The following DNAJC19 variants were observed in gnomAD, a reference collection of about 807,000 sequenced individuals.
The protein encoded by DNAJC19 is mitochondrial import inner membrane translocase subunit TIM14.
DNAJC19 carries 15 observed loss-of-function variants against 19.8 expected under a neutral mutation model. That is an observed-to-expected ratio of 0.76 (90% CI 0.51 to 1.17). The LOEUF (loss-of-function observed/expected upper bound fraction) is 1.17. Among genes scored for constraint, DNAJC19 ranks in the 50% most tolerant of loss-of-function variants. DNAJC19 has a pLI of 0.00. For synonymous variants in DNAJC19, 38 were observed against 42.1 expected, an observed-to-expected ratio of 0.90 and a Z score of 0.38; for missense variants, 105 against 140.9, an observed-to-expected ratio of 0.75 and a Z score of 1.29.
chr3:180,983,900 T>C lies in DNAJC19; in HGVS notation c.*740A>G, dbSNP rs1434342226. The stretch of plus-strand genomic sequence containing the variant: ...GAATAATTTATAAATGGTCATTACC[T>C]TTAAGGGGCTAGCTGAATACAATGT... On this transcript the variant is annotated 3_prime_UTR_variant, in exon 6 of 6. Coordinates refer to ENST00000382564, the MANE Select transcript of DNAJC19 (RefSeq NM_145261.4). The C allele has an allele frequency of 2.2e-6, 1 of 453,996 alleles. No individual in the cohort carries two copies. The highest frequency in any genetic ancestry group is 7.0e-5 in the East Asian group (1 of 14,388). The allele number at this position is 453,996 out of a possible 1,614,324, so 28.1% of individuals were successfully genotyped here.
intron 1 of DNAJC19, 64 bp from the exon 2 acceptor site, chr3:180,988,293 T>C: frequency 3.8e-6 from 6 of 1,591,820 alleles, no homozygotes; most frequent in Non-Finnish European, 4.3e-6. Flanking sequence ...ATTTTGCCCA[T>C]TCTTCCATCC....
intron 5 of DNAJC19, 84 bp downstream of exon 5, chr3:180,985,842 T>A: frequency 8.3e-7 from 1 of 1,201,112 alleles, no homozygotes; most frequent in Non-Finnish European, 1.2e-6. Flanking sequence ...ACCTTTCTAA[T>A]AGCCAGGAAT....
chr3:180,989,761 C>T (rs1056218563), upstream of DNAJC19: 3 of 1,228,382 alleles, frequency 2.4e-6, no homozygotes, highest in South Asian at 1.3e-5. Flanking sequence ...CAAACTAGGC[C>T]GGAAAACTGT....
At position 180,988,247 on chromosome 3, in the gene DNAJC19, A is replaced by G. The variant is rs1715011185; in HGVS notation, c.4-18T>C. The G allele has an allele frequency of 6.2e-7, 1 of 1,613,846 alleles. No individual in the cohort carries two copies. The stretch of plus-strand genomic sequence containing the variant: ...GTACTGGCCTGGTAAGGGGGAGAAG[A>G]GTAAATATTTACTTCTCTAATTCCC... On this transcript the variant is annotated intron_variant, in intron 1 of 5. Coordinates refer to ENST00000382564, the MANE Select transcript of DNAJC19 (RefSeq NM_145261.4).
chr3:180,983,753 A>T lies in DNAJC19; in HGVS notation c.*887T>A. 2.2e-6 allele frequency: 1 copy of T among 448,866 alleles called. No homozygotes were observed. Among genetic ancestry groups the T allele is most frequent in the South Asian group, 1.6e-5 (1 of 63,262 alleles). 27.8% of individuals were successfully genotyped at this position (448,866 alleles called of 1,614,324 possible). A position where few individuals can be genotyped will look rare whatever the true frequency, so the allele number is the denominator to read the frequency against. The stretch of plus-strand genomic sequence containing the variant: ...TAAATTTATTAGTGTATAAATTCTA[A>T]AGAGTCCAAATTAAATATGTTGATA... On this transcript the variant is annotated 3_prime_UTR_variant, in exon 6 of 6. Coordinates refer to ENST00000382564, the MANE Select transcript of DNAJC19 (RefSeq NM_145261.4).
At position 180,983,896 on chromosome 3, in the gene DNAJC19, T is replaced by C; in HGVS notation, c.*744A>G. ...GAAGGAATAATTTATAAATGGTCAT[T>C]ACCTTTAAGGGGCTAGCTGAATACA... On this transcript the variant is annotated 3_prime_UTR_variant, in exon 6 of 6. Coordinates refer to ENST00000382564, the MANE Select transcript of DNAJC19 (RefSeq NM_145261.4). 1 of 454,054 alleles carries C rather than the reference T, an allele frequency of 2.2e-6. No homozygotes were observed. Among genetic ancestry groups the C allele is most frequent in the South Asian group, 1.6e-5 (1 of 64,472 alleles). 28.1% of individuals were successfully genotyped at this position (454,054 alleles called of 1,614,324 possible).
In DNAJC19 at chr3:180,984,586, T is replaced by C. The variant is rs761771242; in HGVS notation, c.*54A>G. On this transcript the variant is annotated 3_prime_UTR_variant, in exon 6 of 6. Transcript: ENST00000382564. ...CTCTGAGGCATTTTATTATAAAAAC[T>C]TAGTACTCATATACATAAACTAATA... The C allele has an allele frequency of 8.0e-7, 1 of 1,254,160 alleles. No homozygotes were observed. The highest frequency in any genetic ancestry group is 1.1e-6 in the Non-Finnish European group (1 of 877,156). 77.7% of individuals were successfully genotyped at this position (1,254,160 alleles called of 1,614,324 possible). A position where few individuals can be genotyped will look rare whatever the true frequency, so the allele number is the denominator to read the frequency against.
chr3:180,983,850 T>G lies in DNAJC19; in HGVS notation c.*790A>C, dbSNP rs1278578560. ...ATCATAACAATTGCAGAAGTTTGAT[T>G]ATGTCAAGAAATAGCCAACTGAAGG... On this transcript the variant is annotated 3_prime_UTR_variant, in exon 6 of 6. Coordinates refer to ENST00000382564, the MANE Select transcript of DNAJC19 (RefSeq NM_145261.4). 4 of 454,036 alleles carry G rather than the reference T, an allele frequency of 8.8e-6. No individual in the cohort carries two copies. The highest frequency in any genetic ancestry group is 6.2e-5 in the South Asian group (4 of 64,456). 28.1% of individuals were successfully genotyped at this position (454,036 alleles called of 1,614,324 possible).
In DNAJC19 at chr3:180,989,615, G is replaced by C; in HGVS notation, c.-13C>G. 1 of 1,586,926 alleles carries C rather than the reference G, an allele frequency of 6.3e-7. No homozygotes were observed. Among genetic ancestry groups the C allele is most frequent in the Non-Finnish European group, 8.6e-7 (1 of 1,167,232 alleles). On this transcript the variant is annotated 5_prime_UTR_variant, in exon 1 of 6. Coordinates refer to ENST00000382564, the MANE Select transcript of DNAJC19 (RefSeq NM_145261.4). ...CCGCACTCACCATGGCTCCGGCTGG[G>C]CTCCCTTGCTTCCACCGGGAGCACG... is the stretch of plus-strand genomic sequence containing the variant.
Position 180,989,640 on chromosome 3 carries a change from G to T in DNAJC19, c.-38C>A. On this transcript the variant is annotated 5_prime_UTR_variant, in exon 1 of 6. Coordinates refer to ENST00000382564, the MANE Select transcript of DNAJC19 (RefSeq NM_145261.4). ...GCTCCCTTGCTTCCACCGGGAGCACGGCTCATCCCAGCTCAGAGGCCGCGG... is the reference window on the plus strand; with the variant it reads ...GCTCCCTTGCTTCCACCGGGAGCACTGCTCATCCCAGCTCAGAGGCCGCGG... The T allele has an allele frequency of 6.3e-7, 1 of 1,582,524 alleles. No individual in the cohort carries two copies. Among genetic ancestry groups the T allele is most frequent in the Non-Finnish European group, 8.6e-7 (1 of 1,164,980 alleles).
At position 180,988,005 on chromosome 3, in the gene DNAJC19, GA is replaced by G; in HGVS notation, c.129+17del. 1 of 1,613,812 alleles carries G rather than the reference GA, an allele frequency of 6.2e-7. No individual in the cohort carries two copies. The highest frequency in any genetic ancestry group is 2.2e-5 in the East Asian group (1 of 44,872). ...CTAGGTTTCAAATAGAAGCAGCAAAGAATTAACAAAGTCTTACAGATTTTGG... is the reference window on the plus strand; with the variant it reads ...CTAGGTTTCAAATAGAAGCAGCAAAGATTAACAAAGTCTTACAGATTTTGG... On this transcript the variant is annotated intron_variant, in intron 3 of 5. Transcript: ENST00000382564.
chr3:180,988,246 G>A lies in DNAJC19; in HGVS notation c.4-17C>T. 1.2e-6 allele frequency: 2 copies of A among 1,613,266 alleles called. No individual in the cohort carries two copies. Among genetic ancestry groups the A allele is most frequent in the South Asian group, 1.1e-5 (1 of 91,024 alleles). ...TGTACTGGCCTGGTAAGGGGGAGAA[G>A]AGTAAATATTTACTTCTCTAATTCC... is the stretch of plus-strand genomic sequence containing the variant. On this transcript the variant is annotated splice_polypyrimidine_tract_variant and intron_variant, in intron 1 of 5. Transcript: ENST00000382564.
intron 1 of DNAJC19, chr3:180,989,235 A>T: frequency 9.6e-7 from 1 of 1,043,676 alleles, no homozygotes; most frequent in Non-Finnish European, 1.2e-6. Flanking sequence ...AGAAGGACAT[A>T]GCAAAGTGGA....
At chr3:180,988,813 T>C (rs1179658971) in intron 1 of DNAJC19, among the ~76,000 whole-genome samples, 1 of 150,120 alleles carries the variant, frequency 6.7e-6, no homozygotes. Context: ...CCATCCTGGC[T>C]ACCATGGTGA....
chr3:180,989,758 G>C (rs1407977235), upstream of DNAJC19: 2 of 1,272,734 alleles, frequency 1.6e-6, no homozygotes, highest in African/African-American at 1.5e-5. Context: ...CCGCAAACTA[G>C]GCCGGAAAAC....
At chr3:180,987,707 T>TGC in intron 3 of DNAJC19, 1 of 395,856 alleles carries the variant, frequency 2.5e-6, no homozygotes, top group Non-Finnish European at 4.8e-6. Context: ...CCTCTGTGTG[T>TGC]GCGATGCAGA....
At chr3:180,987,967 C>T (rs1395131291) in intron 3 of DNAJC19, 56 bp downstream of exon 3, 5 of 1,594,274 alleles carry the variant, frequency 3.1e-6, no homozygotes, top group Admixed American at 1.7e-5. Context: ...TTTACCCTTC[C>T]CTAAGTGTGG....
In DNAJC19 at chr3:180,983,948, A is replaced by AG. The variant is rs1714751654; in HGVS notation, c.*691dup. 2.2e-6 allele frequency: 1 copy of AG among 453,938 alleles called. No individual in the cohort carries two copies. The highest frequency in any genetic ancestry group is 4.4e-6 in the Non-Finnish European group (1 of 226,758). 28.1% of individuals were successfully genotyped at this position (453,938 alleles called of 1,614,324 possible). A position where few individuals can be genotyped will look rare whatever the true frequency, so the allele number is the denominator to read the frequency against. On this transcript the variant is annotated 3_prime_UTR_variant, in exon 6 of 6. Coordinates refer to ENST00000382564, the MANE Select transcript of DNAJC19 (RefSeq NM_145261.4). The stretch of plus-strand genomic sequence containing the variant: ...TGTAAATACTCATGCCTGTAATCCC[A>AG]GTACTTTGGGAGGCTGAGGCGGGAG...
rs1189698518 is a variant in DNAJC19, at chr3:180,984,413, A to G, written c.*227T>C. 2 of 554,318 alleles carry G rather than the reference A, an allele frequency of 3.6e-6. No homozygotes were observed. Among genetic ancestry groups the G allele is most frequent in the South Asian group, 3.1e-5 (2 of 65,270 alleles). 34.3% of individuals were successfully genotyped at this position (554,318 alleles called of 1,614,324 possible). ...ATCTGCTAAATGAGTAATGAACAAT[A>G]TTTCTATTCAGAAGGTGTGTGCTTG... is the stretch of plus-strand genomic sequence containing the variant. On this transcript the variant is annotated 3_prime_UTR_variant, in exon 6 of 6. Transcript: ENST00000382564.
Sources: allele counts gnomAD v4.1 joint callset (sites outside exome capture counted in the v4.1 genomes callset), GRCh38; gene constraint gnomAD v4.1.1; transcripts MANE v1.5; gene names NCBI Gene and HGNC (gene_info 2026-07-23, HGNC 2026-07-21).